The following FUT8 variants were observed in gnomAD, a reference collection of about 807,000 sequenced individuals.
FUT8 encodes fucosyltransferase 8.
Under a neutral mutation model 71.3 loss-of-function variants are expected in FUT8, and 29 were observed. That is an observed-to-expected ratio of 0.41 (90% CI 0.30 to 0.55). The LOEUF is 0.55. Ranked by LOEUF, FUT8 falls within the 20% of genes least tolerant of loss-of-function variation. The pLI, the probability that FUT8 is intolerant of heterozygous loss-of-function variation, is 0.34. For synonymous variants in FUT8, 254 were observed against 239.3 expected (o/e 1.06, Z -0.57); for missense variants, 544 against 702.1 (o/e 0.77, Z 2.55).
chr14:65,659,369 T>C (rs1418698947), intron 6 of FUT8, among the ~76,000 whole-genome samples: 2 of 152,066 alleles, frequency 1.3e-5, no homozygotes, highest in African/African-American at 4.8e-5. Context: ...ATGGTTTGGT[T>C]TTAAAGCCAG....
intron 3 of FUT8, among the ~76,000 whole-genome samples, chr14:65,592,548 G>A (rs1887749959): frequency 6.6e-6 from 1 of 152,076 alleles, no homozygotes. Context: ...CTCTACCAGA[G>A]GACCTGATAC....
chr14:65,629,644 AAAG>A, intron 6 of FUT8, 38 bp downstream of exon 6: 5 of 1,399,928 alleles, frequency 3.6e-6, no homozygotes, highest in Non-Finnish European at 5.1e-6. Flanking sequence ...TGAGTGAAAA[AAAG>A]AAGGATCATA....
chr14:65,379,289 G>T, the FUT8 span, among the ~76,000 whole-genome samples: 3 of 152,108 alleles, frequency 2.0e-5, no homozygotes, highest in African/African-American at 7.2e-5. Flanking sequence ...CAGCACTTTG[G>T]GGGGCTGAGG....
chr14:65,564,392 A>G (rs1886079108), intron 3 of FUT8, among the ~76,000 whole-genome samples: 1 of 152,078 alleles, frequency 6.6e-6, no homozygotes, highest in Admixed American at 6.6e-5. Context: ...GCCATTAACA[A>G]ATCTTTCGGC....
At chr14:65,720,280 G>A (rs375659760) in intron 7 of FUT8, among the ~76,000 whole-genome samples, 15 of 152,200 alleles carry the variant, frequency 9.9e-5, no homozygotes, top group East Asian at 7.7e-4. Flanking sequence ...GCCAGGCTAC[G>A]GTTCATGTTC....
rs1374656951 is a variant in FUT8 at position 65,412,962 on chromosome 14, T to G, written c.-578T>G. On this transcript the variant is annotated 5_prime_UTR_variant, in exon 1 of 11. Transcript: ENST00000673929. ...GTCGCGCGCCCTGGACCCAGCTCGC[T>G]CTCGGTCTCGCGCTGTCAGCGACTG... The G allele has an allele frequency of 6.5e-6, 1 of 152,938 alleles. No homozygotes were observed. Among genetic ancestry groups the G allele is most frequent in the Non-Finnish European group, 1.5e-5 (1 of 68,356 alleles). 9.5% of individuals were successfully genotyped at this position (152,938 alleles called of 1,614,324 possible).
At chr14:65,477,859 CTT>C (rs79007912) in intron 2 of FUT8, among the ~76,000 whole-genome samples, 69 of 142,778 alleles carry the variant, frequency 4.8e-4, no homozygotes, top group Admixed American at 3.5e-4. Context: ...TTTGTGATGT[CTT>C]TTTTTTTTTT....
intron 3 of FUT8, among the ~76,000 whole-genome samples, chr14:65,598,270 TGGA>T (rs1888100843): frequency 2.0e-5 from 3 of 152,110 alleles, no homozygotes; most frequent in Non-Finnish European, 4.4e-5. Context: ...TTGCCCGGGC[TGGA>T]GTGTAGTGGC....
the FUT8 span, among the ~76,000 whole-genome samples, chr14:65,382,857 A>G: frequency 1.3e-5 from 2 of 151,880 alleles, no homozygotes; most frequent in Non-Finnish European, 2.9e-5. Context: ...GCTCTGTAGT[A>G]TCTCACTTTC....
At chr14:65,396,857 TG>T in the FUT8 span, among the ~76,000 whole-genome samples, 2 of 152,300 alleles carry the variant, frequency 1.3e-5, no homozygotes, top group South Asian at 4.1e-4. This position sits in a 1 kb window ranked among gnomAD's most constrained non-coding sequence, Gnocchi z 5.5. Flanking sequence ...TTTTAAGAGA[TG>T]GAGTCTTGCT....
chr14:65,629,712 T>A (rs1890076624), intron 6 of FUT8, 106 bp downstream of exon 6: 1 of 731,972 alleles, frequency 1.4e-6, no homozygotes, highest in Middle Eastern at 2.9e-4. Flanking sequence ...CCCTTGAAAA[T>A]CAGTACTCAC....
At position 65,643,080 on chromosome 14, in the gene FUT8, A is replaced by G. The variant is rs1490958541; in HGVS notation, c.597+13474A>G. 6.6e-6 allele frequency among the ~76,000 whole-genome samples: 1 copy of G among 152,184 alleles called. No homozygotes were observed. Among genetic ancestry groups the G allele is most frequent in the Non-Finnish European group, 1.5e-5 (1 of 68,034 alleles). On this transcript the variant is annotated intron_variant, in intron 6 of 10. Coordinates refer to ENST00000673929, the MANE Select transcript of FUT8 (RefSeq NM_001371533.1). The surrounding 1 kb of genome is among the most constrained non-coding windows in gnomAD (Gnocchi z 4.5). Reference sequence around the variant, plus strand: ...CAAATTAATTCCTCCTTCATTTAAAACTAAAATCCTTACCAAAGTCCAAAT... The same window carrying G: ...CAAATTAATTCCTCCTTCATTTAAAGCTAAAATCCTTACCAAAGTCCAAAT...
chr14:65,692,450 G>C (rs1391231561), intron 7 of FUT8, among the ~76,000 whole-genome samples: 1 of 121,494 alleles, frequency 8.2e-6, no homozygotes, highest in Non-Finnish European at 1.8e-5. Context: ...CTGGCCGGGC[G>C]GGGGGCTGAC....
At chr14:65,375,812 T>C in the FUT8 span, among the ~76,000 whole-genome samples, 128 of 112,366 alleles carry the variant, frequency 1.1e-3, 6 homozygotes, top group South Asian at 0.036. Context: ...ATTCTGTGGC[T>C]GGGTGCAGTG....
chr14:65,460,433 C>G (rs889194352), intron 2 of FUT8, among the ~76,000 whole-genome samples: 3 of 152,162 alleles, frequency 2.0e-5, no homozygotes, highest in Non-Finnish European at 4.4e-5. Flanking sequence ...TCATTAAGCT[C>G]AGGTTTTCTT....
At chr14:65,437,222 G>A (rs2065575322) in intron 1 of FUT8, among the ~76,000 whole-genome samples, 1 of 152,138 alleles carries the variant, frequency 6.6e-6, no homozygotes. Flanking sequence ...GTACTGATTA[G>A]CCACAGCTTT....
At position 65,725,430 on chromosome 14, in the gene FUT8, T is replaced by C. The variant is rs115825117; in HGVS notation, c.1259+1107T>C. Reference sequence around the variant, plus strand: ...ACAAATCCTGATTGGACACTTCTTATAGGATCTGAGTAAACCTGGAGTTAG... The same window carrying C: ...ACAAATCCTGATTGGACACTTCTTACAGGATCTGAGTAAACCTGGAGTTAG... On this transcript the variant is annotated intron_variant, in intron 9 of 10. Transcript: ENST00000673929. 1.0e-3 allele frequency among the ~76,000 whole-genome samples: 157 copies of C among 152,334 alleles called. 1 individual carries two copies. The highest frequency in any genetic ancestry group is 3.6e-3 in the African/African-American group (149 of 41,574).
At chr14:65,630,067 G>A (rs117808824) in intron 6 of FUT8, among the ~76,000 whole-genome samples, 3 of 152,098 alleles carry the variant, frequency 2.0e-5, no homozygotes, top group Admixed American at 6.6e-5. Context: ...GCAGTGGCTC[G>A]TAACTGGGAA....
intron 6 of FUT8, among the ~76,000 whole-genome samples, chr14:65,667,165 C>T (rs976865273): frequency 6.6e-6 from 1 of 152,056 alleles, no homozygotes; most frequent in African/African-American, 2.4e-5. Context: ...AAAGTCCTAG[C>T]CAGAGCAGAC....
Sources: gnomAD v4.1 joint callset for allele counts (sites outside exome capture counted in the v4.1 genomes callset) on GRCh38, gnomAD v4.1.1 for gene constraint, Gnocchi (gnomAD v3.1) non-coding constraint, MANE v1.5 for transcripts, NCBI Gene and HGNC (gene_info 2026-07-23, HGNC 2026-07-21) for gene names.